Variants in CPNE1 observed in about 807,000 individuals in gnomAD.
The protein encoded by CPNE1 is copine-1.
In CPNE1, 58 loss-of-function variants were observed where a neutral mutation model predicts 63.2. That is an observed-to-expected ratio of 0.92 (90% confidence interval 0.74 to 1.14). The LOEUF (loss-of-function observed/expected upper bound fraction) is 1.14, where lower values mean the gene tolerates loss of function less well. CPNE1 is among the 50% of genes most tolerant of loss of function. The pLI, the probability that CPNE1 is intolerant of heterozygous loss-of-function variation, is 0.00. For synonymous variants in CPNE1, 237 were observed against 249.0 expected, an observed-to-expected ratio of 0.95 and a Z score of 0.45; for missense variants, 672 against 661.7, an observed-to-expected ratio of 1.02 and a Z score of -0.17.
intron 1 of CPNE1, among the ~76,000 whole-genome samples, chr20:35,661,278 A>AT (rs1431803097): frequency 2.0e-5 from 3 of 152,230 alleles, no homozygotes; most frequent in Non-Finnish European, 4.4e-5. Flanking sequence ...AGAATTTAAC[A>AT]TAAGTGTCAC....
rs757272967 is a variant in CPNE1, at chr20:35,627,373, G to C, written c.1143C>G (p.Pro381=). The part of the protein sequence containing the change: ...GIVDAYRQAL[P]QVRLYGPTNF... ...TGGTAGGGCCATAGAGGCGAACTTG[G>C]GGCAGGGCTTGGCGGTAGGCATCCA... is the stretch of plus-strand genomic sequence containing the variant. The change falls in exon 14 of 16, where the codon CCC becomes CCG. Residue 381 remains proline (P), a synonymous_variant. Coordinates refer to ENST00000397443, the MANE Select transcript of CPNE1 (RefSeq NM_152925.3). The C allele has an allele frequency of 3.7e-6, 6 of 1,614,052 alleles. No individual in the cohort carries two copies. Among genetic ancestry groups the C allele is most frequent in the Non-Finnish European group, 5.1e-6 (6 of 1,180,012 alleles).
At chr20:35,634,541 C>G (rs1402261911) in intron 1 of CPNE1, among the ~76,000 whole-genome samples, 1 of 151,884 alleles carries the variant, frequency 6.6e-6, no homozygotes, top group Non-Finnish European at 1.5e-5. Flanking sequence ...TTGAAGTAAG[C>G]CGAGATCGCG....
At chr20:35,660,736 T>C (rs2034185666) in intron 1 of CPNE1, among the ~76,000 whole-genome samples, 1 of 152,206 alleles carries the variant, frequency 6.6e-6, no homozygotes, top group Non-Finnish European at 1.5e-5. Flanking sequence ...AATAAACATC[T>C]GATCCCTACT....
chr20:35,627,187 CAAAAAAAA>C (rs746796889), intron 14 of CPNE1, 85 bp downstream of exon 14: 34 of 536,768 alleles, frequency 6.3e-5, no homozygotes, highest in Middle Eastern at 6.4e-4. Context: ...GAGTCCATCT[CAAAAAAAA>C]AAAAAAAAAA....
intron 1 of CPNE1, among the ~76,000 whole-genome samples, chr20:35,641,351 CCT>C (rs1419279723): frequency 1.3e-5 from 2 of 152,196 alleles, no homozygotes; most frequent in Non-Finnish European, 2.9e-5. Flanking sequence ...GAAAAGCCCC[CCT>C]TTTTATATTG....
rs369309263 is a variant in CPNE1, at chr20:35,626,578, G to A, written c.1462C>T (p.Arg488Trp). 27 of 1,613,874 alleles carry A rather than the reference G, an allele frequency of 1.7e-5. No homozygotes were observed. The African/African-American group carries it at 2.3e-4, about 14-fold the overall frequency. Residue 488 changes from arginine (R) to tryptophan (W), a missense_variant, in exon 15 of 16, where the codon CGG becomes TGG. Physicochemically the swap from Arg to Trp is moderately radical, Grantham distance 101 (BLOSUM62 -3). Coordinates refer to ENST00000397443, the MANE Select transcript of CPNE1 (RefSeq NM_152925.3). ...RDIVQFVPYRRFQNAPREALA... is the reference protein window; with the variant it reads ...RDIVQFVPYRWFQNAPREALA... Reference sequence around the variant, plus strand: ...TTGCACCTACTCACATTCTGGAACCGGCGGTAGGGTACAAACTGCACAATG... The same window carrying A: ...TTGCACCTACTCACATTCTGGAACCAGCGGTAGGGTACAAACTGCACAATG...
chr20:35,656,759 A>T (rs186355015), intron 1 of CPNE1, among the ~76,000 whole-genome samples: 1 of 147,544 alleles, frequency 6.8e-6, no homozygotes, highest in Non-Finnish European at 1.5e-5. Context: ...CACCCTCCTC[A>T]GTCTTCCAAA....
chr20:35,627,418 A>G lies in CPNE1; in HGVS notation c.1103-5T>C, dbSNP rs769147657. On this transcript the variant is annotated splice_region_variant and splice_polypyrimidine_tract_variant and intron_variant, in intron 13 of 15. Transcript: ENST00000397443. The stretch of plus-strand genomic sequence containing the variant: ...CATCCACAATGCCCTGGATGCCTGC[A>G]GAGGAGAGCAAGAAATACCGTAAAA... 1.2e-5 allele frequency: 19 copies of G among 1,613,710 alleles called. No individual in the cohort carries two copies. In the South Asian group the frequency reaches 2.0e-4, roughly 17 times the overall value.
chr20:35,632,634 A>T lies in CPNE1; in HGVS notation c.192T>A (p.Leu64=). The stretch of plus-strand genomic sequence containing the variant: ...TCTGGACTGTCTCAAAGCGGTACTC[A>T]AGCTGTAGAGTCTTGGAGAACTCAG... The part of the protein sequence containing the change: ...SSPEFSKTLQ[L]EYRFETVQKL... The change falls in exon 3 of 16, where the codon CTT becomes CTA. Residue 64 remains leucine (L), a synonymous_variant. Transcript: ENST00000397443. 1 of 1,516,692 alleles carries T rather than the reference A, an allele frequency of 6.6e-7. No homozygotes were observed. Among genetic ancestry groups the T allele is most frequent in the Non-Finnish European group, 9.2e-7 (1 of 1,091,088 alleles). The allele number at this position is 1,516,692 out of a possible 1,614,324, so 94.0% of individuals were successfully genotyped here. A position where few individuals can be genotyped will look rare whatever the true frequency, so the allele number is the denominator to read the frequency against.
rs768557530 is a variant in CPNE1, at chr20:35,654,833, C to T, written c.-1+9927G>A. On this transcript the variant is annotated intron_variant, in intron 1 of 15. Coordinates refer to ENST00000397443, the MANE Select transcript of CPNE1 (RefSeq NM_152925.3). ...CTAAACGTTGGGCTCCCAAAGGAAGCCCCCATATTTGGAGGAGCTGTTCCT... is the reference window on the plus strand; with the variant it reads ...CTAAACGTTGGGCTCCCAAAGGAAGTCCCCATATTTGGAGGAGCTGTTCCT... The T allele has an allele frequency of 5.6e-6, 9 of 1,614,038 alleles. No homozygotes were observed. The East Asian group carries it at 6.7e-5, about 12-fold the overall frequency.
intron 1 of CPNE1, among the ~76,000 whole-genome samples, chr20:35,646,814 C>T (rs1248591589): frequency 6.6e-6 from 1 of 151,986 alleles, no homozygotes; most frequent in Non-Finnish European, 1.5e-5. Context: ...TGGGCATTGC[C>T]CCACAACGAA....
At chr20:35,655,060 C>A in intron 1 of CPNE1, 1 of 1,614,142 alleles carries the variant, frequency 6.2e-7, no homozygotes, top group Non-Finnish European at 8.5e-7. Context: ...TTCAAAACGC[C>A]TACGACTCAG....
rs769504350 is a variant in CPNE1 at position 35,653,077 on chromosome 20, TCAC to T, written c.-1+11680_-1+11682del. On this transcript the variant is annotated intron_variant, in intron 1 of 15. Transcript: ENST00000397443. ...AACTGAAGGCATACCAGGCCTAGCA[TCAC>T]CAAAGGCCCCGCCTCCTAATCCTGG... The T allele has an allele frequency of 3.7e-6, 6 of 1,613,918 alleles. No individual in the cohort carries two copies. In the Admixed American group the frequency reaches 1.0e-4, roughly 27 times the overall value.
chr20:35,649,470 C>A (rs1601459307), intron 1 of CPNE1: 1 of 152,674 alleles, frequency 6.5e-6, no homozygotes, highest in South Asian at 2.1e-4. Context: ...AATATTACTA[C>A]CTGAAATTTT....
At chr20:35,639,312 A>G (rs568650834) in intron 1 of CPNE1, among the ~76,000 whole-genome samples, 1 of 152,306 alleles carries the variant, frequency 6.6e-6, no homozygotes, top group East Asian at 1.9e-4. Context: ...TACATGTTGA[A>G]AATTTTCATA....
At chr20:35,647,782 C>T (rs571556587) in intron 1 of CPNE1, among the ~76,000 whole-genome samples, 96 of 151,216 alleles carry the variant, frequency 6.3e-4, no homozygotes, top group Non-Finnish European at 9.6e-4. Flanking sequence ...CAGCTGGGCA[C>T]GGTGGCTCAC....
chr20:35,652,516 G>A (rs1385619847), intron 1 of CPNE1: 2 of 1,601,436 alleles, frequency 1.2e-6, no homozygotes, highest in Non-Finnish European at 8.5e-7. Context: ...AAAAAATGAT[G>A]TGAATGGCTA....
At chr20:35,652,541 T>A in intron 1 of CPNE1, 1 of 1,610,942 alleles carries the variant, frequency 6.2e-7, no homozygotes, top group Non-Finnish European at 8.5e-7. Context: ...AATACAAGTT[T>A]TACTTTTCTT....
At chr20:35,630,363 ACT>A (rs2032038193) in intron 13 of CPNE1, 74 bp downstream of exon 13, 3 of 1,144,084 alleles carry the variant, frequency 2.6e-6, no homozygotes, top group Non-Finnish European at 2.6e-6. Context: ...ATCTGCCCCC[ACT>A]CTCCCTTTTA....
Sources: gnomAD v4.1 joint callset for allele counts (sites outside exome capture counted in the v4.1 genomes callset) on GRCh38, gnomAD v4.1.1 for gene constraint, MANE v1.5 for transcripts, NCBI Gene and HGNC (gene_info 2026-07-23, HGNC 2026-07-21) for gene names.